The following PRKCA variants were observed in gnomAD, a reference collection of about 807,000 sequenced individuals.
The protein encoded by PRKCA is protein kinase C alpha type.
PRKCA carries 27 observed loss-of-function variants against 87.0 expected under a neutral mutation model. The ratio of observed to expected loss-of-function variants is 0.31; its 90% CI spans 0.23 to 0.43. The LOEUF is 0.43. PRKCA is among the 20% of genes least tolerant of loss of function. The pLI is 1.00. For synonymous variants in PRKCA, 329 were observed against 311.1 expected, an observed-to-expected ratio of 1.06 and a Z score of -0.61; for missense variants, 518 against 852.3, an observed-to-expected ratio of 0.61 and a Z score of 4.88.
intron 4 of PRKCA, among the ~76,000 whole-genome samples, chr17:66,642,199 G>A (rs889620281): frequency 2.6e-5 from 4 of 151,526 alleles, no homozygotes; most frequent in African/African-American, 4.9e-5. Context: ...GCGCGATGTC[G>A]GCTCACTGCA....
At chr17:66,750,705 G>A (rs553388436) in intron 13 of PRKCA, among the ~76,000 whole-genome samples, 11 of 152,208 alleles carry the variant, frequency 7.2e-5, no homozygotes, top group Admixed American at 7.2e-4. Flanking sequence ...CTGCCCCTTC[G>A]CAAATGCCTG....
At chr17:66,641,037 A>G in intron 3 of PRKCA, 2 of 313,658 alleles carry the variant, frequency 6.4e-6, no homozygotes, top group South Asian at 6.1e-5. Flanking sequence ...GGATGCCTGT[A>G]ATCCCAGTTA....
intron 3 of PRKCA, among the ~76,000 whole-genome samples, chr17:66,528,688 G>C (rs1461059107): frequency 6.6e-6 from 1 of 152,184 alleles, no homozygotes; most frequent in Non-Finnish European, 1.5e-5. Flanking sequence ...AAAACTGTGA[G>C]ATAATAAATT....
intron 3 of PRKCA, among the ~76,000 whole-genome samples, chr17:66,595,397 T>C (rs1223153666): frequency 6.6e-6 from 1 of 151,904 alleles, no homozygotes; most frequent in Non-Finnish European, 1.5e-5. Flanking sequence ...AAATTCTAGA[T>C]CACCTTATCT....
intron 3 of PRKCA, among the ~76,000 whole-genome samples, chr17:66,509,844 A>G (rs1387044507): frequency 6.6e-6 from 1 of 152,148 alleles, no homozygotes; most frequent in Non-Finnish European, 1.5e-5. Flanking sequence ...TGTATCCCCA[A>G]TGCCTAGTAT....
At chr17:66,766,251 A>C (rs1974809469) in intron 13 of PRKCA, among the ~76,000 whole-genome samples, 1 of 152,154 alleles carries the variant, frequency 6.6e-6, no homozygotes, top group African/African-American at 2.4e-5. Context: ...GAAAATGAAG[A>C]GCCAGCTGGG....
At chr17:66,488,138 G>T (rs1163375952) in intron 2 of PRKCA, among the ~76,000 whole-genome samples, 2 of 152,000 alleles carry the variant, frequency 1.3e-5, no homozygotes, top group African/African-American at 4.8e-5. Context: ...TTCTTAACTT[G>T]CCCCTTGGTC....
chr17:66,766,666 G>C (rs531823949), intron 13 of PRKCA, among the ~76,000 whole-genome samples: 2 of 152,180 alleles, frequency 1.3e-5, no homozygotes, highest in African/African-American at 4.8e-5. Context: ...AAATTAGCTG[G>C]GCATGGTGGT....
chr17:66,803,767 C>T lies in PRKCA; in HGVS notation c.1855-106C>T. The T allele has an allele frequency of 2.0e-6, 3 of 1,476,110 alleles. No individual in the cohort carries two copies. The highest frequency in any genetic ancestry group is 2.7e-6 in the Non-Finnish European group (3 of 1,100,364). 91.4% of individuals were successfully genotyped at this position (1,476,110 alleles called of 1,614,324 possible). A position where few individuals can be genotyped will look rare whatever the true frequency, so the allele number is the denominator to read the frequency against. On this transcript the variant is annotated intron_variant, in intron 16 of 16. Coordinates refer to ENST00000413366, the MANE Select transcript of PRKCA (RefSeq NM_002737.3). This position sits in a 1 kb window ranked among gnomAD's most constrained non-coding sequence, Gnocchi z 4.4. ...TCCGAGATTCCTCCTCCTAACCAGCCCGGAGTTCCCCAGGGCCGTGCCCCT... is the reference window on the plus strand; with the variant it reads ...TCCGAGATTCCTCCTCCTAACCAGCTCGGAGTTCCCCAGGGCCGTGCCCCT...
At chr17:66,630,172 T>C (rs1970972126) in intron 3 of PRKCA, among the ~76,000 whole-genome samples, 1 of 152,164 alleles carries the variant, frequency 6.6e-6, no homozygotes, top group African/African-American at 2.4e-5. Context: ...AGAAATACAA[T>C]ATTTGAATGA....
In PRKCA at chr17:66,361,886, C is replaced by T. The variant is rs140506743; in HGVS notation, c.205+55759C>T. 5.2e-3 allele frequency among the ~76,000 whole-genome samples: 789 copies of T among 152,306 alleles called. 10 individuals are homozygous for T. Among genetic ancestry groups the T allele is most frequent in the African/African-American group, 0.018 (761 of 41,578 alleles). On this transcript the variant is annotated intron_variant, in intron 2 of 16. Coordinates refer to ENST00000413366, the MANE Select transcript of PRKCA (RefSeq NM_002737.3). ...ACTTGGCTCAGTTTCCACAAAGCCC[C>T]ATGGAATCTGGTTTACAGAGAACAA...
intron 2 of PRKCA, among the ~76,000 whole-genome samples, chr17:66,427,309 G>A (rs1322723169): frequency 6.6e-6 from 1 of 152,234 alleles, no homozygotes; most frequent in South Asian, 2.1e-4. Flanking sequence ...TGGGATCATA[G>A]GCATGCACCA....
intron 2 of PRKCA, 91 bp downstream of exon 2, chr17:66,306,218 A>G (rs1472919297): frequency 6.6e-6 from 9 of 1,367,498 alleles, no homozygotes; most frequent in Admixed American, 2.2e-5. Context: ...TTTCTTTCCA[A>G]TAAAAAAATG....
chr17:66,465,339 T>C (rs1169643253), intron 2 of PRKCA, among the ~76,000 whole-genome samples: 2 of 152,194 alleles, frequency 1.3e-5, no homozygotes, highest in African/African-American at 4.8e-5. Flanking sequence ...ATTTGACTTA[T>C]CATAATGGTA....
At chr17:66,425,859 G>A (rs1450669181) in intron 2 of PRKCA, among the ~76,000 whole-genome samples, 6 of 152,188 alleles carry the variant, frequency 3.9e-5, no homozygotes, top group Non-Finnish European at 5.9e-5. Context: ...AGGTGGTGCC[G>A]GTTAGGAGGA....
chr17:66,436,439 G>A (rs1913399859), intron 2 of PRKCA, among the ~76,000 whole-genome samples: 1 of 152,184 alleles, frequency 6.6e-6, no homozygotes, highest in South Asian at 2.1e-4. Context: ...GTGGTGGCGA[G>A]GATTAAGTGA....
At chr17:66,469,180 A>G (rs1915219102) in intron 2 of PRKCA, among the ~76,000 whole-genome samples, 1 of 151,538 alleles carries the variant, frequency 6.6e-6, no homozygotes, top group African/African-American at 2.4e-5. Context: ...ACCCTCCTCT[A>G]CCCCCAGCCA....
In PRKCA at chr17:66,483,631, T is replaced by A. The variant is rs573708275; in HGVS notation, c.206-12570T>A. Reference sequence around the variant, plus strand: ...GTGCTCACCACCTCTCCCAGCTAATTTTTGTATTTTTAGTAGAGACAGGGT... The same window carrying A: ...GTGCTCACCACCTCTCCCAGCTAATATTTGTATTTTTAGTAGAGACAGGGT... On this transcript the variant is annotated intron_variant, in intron 2 of 16. Coordinates refer to ENST00000413366, the MANE Select transcript of PRKCA (RefSeq NM_002737.3). Among the ~76,000 whole-genome samples, 4 of 151,944 alleles carry A rather than the reference T, an allele frequency of 2.6e-5. No individual in the cohort carries two copies. In the South Asian group the frequency reaches 8.3e-4, roughly 32 times the overall value.
chr17:66,750,378 G>A (rs967603028), intron 13 of PRKCA, among the ~76,000 whole-genome samples: 26 of 152,308 alleles, frequency 1.7e-4, no homozygotes, highest in African/African-American at 4.1e-4. Context: ...TGAAGCCGCC[G>A]CTTTCCCTCA....
Sources: allele counts gnomAD v4.1 joint callset (sites outside exome capture counted in the v4.1 genomes callset), GRCh38; gene constraint gnomAD v4.1.1; non-coding constraint Gnocchi (gnomAD v3.1); transcripts MANE v1.5; gene names NCBI Gene and HGNC (gene_info 2026-07-23, HGNC 2026-07-21).